Variants in CREB5 observed in about 807,000 individuals in gnomAD.
CREB5 encodes cyclic AMP-responsive element-binding protein 5.
A neutral mutation model predicts 57.1 loss-of-function variants in CREB5; 19 were observed. The ratio of observed to expected loss-of-function variants is 0.33; its 90% CI spans 0.23 to 0.49. The LOEUF is 0.49. CREB5 is among the 20% of genes least tolerant of loss of function. The probability of loss-of-function intolerance (pLI) is 0.99; values close to 1 mark genes in which losing one functional copy is unlikely to be tolerated. For missense variants in CREB5, 579 were observed against 671.6 expected, an observed-to-expected ratio of 0.86 and a Z score of 1.52; for synonymous variants, 238 against 238.3, an observed-to-expected ratio of 1.00 and a Z score of 0.01.
At chr7:28,448,226 ACTC>A (rs1789589030) in intron 1 of CREB5, among the ~76,000 whole-genome samples, 2 of 152,138 alleles carry the variant, frequency 1.3e-5, no homozygotes, top group Non-Finnish European at 2.9e-5. Flanking sequence ...CACTTTTGGG[ACTC>A]AGACTGGCTC....
chr7:28,705,287 C>T (rs1415707261), intron 5 of CREB5, among the ~76,000 whole-genome samples: 1 of 148,792 alleles, frequency 6.7e-6, no homozygotes, highest in Non-Finnish European at 1.5e-5. Context: ...TGCTTGAACC[C>T]GGGAAGCAGA....
At chr7:28,563,297 C>T (rs190231024) in intron 4 of CREB5, among the ~76,000 whole-genome samples, 58 of 152,236 alleles carry the variant, frequency 3.8e-4, no homozygotes, top group Admixed American at 1.4e-3. Context: ...CTGGGACATC[C>T]GTCATCTCAC....
intron 8 of CREB5, among the ~76,000 whole-genome samples, chr7:28,805,626 A>C (rs1362420448): frequency 6.6e-6 from 1 of 152,202 alleles, no homozygotes; most frequent in Non-Finnish European, 1.5e-5. Flanking sequence ...AGGCACAAGC[A>C]ACTCTCGAAG....
intron 5 of CREB5, among the ~76,000 whole-genome samples, chr7:28,625,432 T>C (rs1182948701): frequency 6.6e-6 from 1 of 152,140 alleles, no homozygotes; most frequent in Non-Finnish European, 1.5e-5. Context: ...ACAGGAGACA[T>C]GGAAGGAACT....
chr7:28,376,094 G>GATTAATAA (rs1163541493), intron 1 of CREB5, among the ~76,000 whole-genome samples: 1 of 152,152 alleles, frequency 6.6e-6, no homozygotes, highest in Admixed American at 6.5e-5. Flanking sequence ...TGGCTCATCA[G>GATTAATAA]ACTGATTGTT....
At chr7:28,806,239 A>C (rs1808725843) in intron 8 of CREB5, among the ~76,000 whole-genome samples, 1 of 152,218 alleles carries the variant, frequency 6.6e-6, no homozygotes, top group Non-Finnish European at 1.5e-5. Context: ...GCAATTAGTT[A>C]ATTGCTATTA....
intron 1 of CREB5, among the ~76,000 whole-genome samples, chr7:28,367,752 G>A (rs1284654957): frequency 6.6e-6 from 1 of 152,164 alleles, no homozygotes; most frequent in Non-Finnish European, 1.5e-5. Flanking sequence ...AATTTGCAGT[G>A]AGCTGAGATC....
intron 1 of CREB5, among the ~76,000 whole-genome samples, chr7:28,456,106 TG>T (rs1281261722): frequency 5.3e-5 from 8 of 152,182 alleles, no homozygotes; most frequent in Non-Finnish European, 1.0e-4. Context: ...AAATTATAAA[TG>T]GACTTTAGAT....
chr7:28,549,647 A>G (rs1794547240), intron 4 of CREB5, among the ~76,000 whole-genome samples: 1 of 151,860 alleles, frequency 6.6e-6, no homozygotes, highest in Non-Finnish European at 1.5e-5. Flanking sequence ...GTCAGTAATC[A>G]TGCTGGCCAA....
chr7:28,459,285 C>G (rs576537753), intron 1 of CREB5, among the ~76,000 whole-genome samples: 3 of 152,324 alleles, frequency 2.0e-5, no homozygotes, highest in African/African-American at 7.2e-5. Context: ...TCCAGTTTTT[C>G]TGTTTAATCA....
chr7:28,417,928 A>G (rs1788089548), intron 1 of CREB5, among the ~76,000 whole-genome samples: 1 of 152,238 alleles, frequency 6.6e-6, no homozygotes. Flanking sequence ...GGTGTTTTAA[A>G]TGGTCTGCTT....
chr7:28,474,887 C>T (rs1790993194), intron 1 of CREB5, among the ~76,000 whole-genome samples: 1 of 152,142 alleles, frequency 6.6e-6, no homozygotes, highest in Admixed American at 6.5e-5. Flanking sequence ...GGCTTTCTTT[C>T]AGCCTTGAAG....
At chr7:28,440,687 A>G (rs1309144222) in intron 1 of CREB5, among the ~76,000 whole-genome samples, 1 of 152,238 alleles carries the variant, frequency 6.6e-6, no homozygotes, top group Non-Finnish European at 1.5e-5. Context: ...ACACAGAGCC[A>G]TCTGATCAAG....
intron 7 of CREB5, among the ~76,000 whole-genome samples, chr7:28,735,666 G>A (rs1018397279): frequency 6.6e-6 from 1 of 152,088 alleles, no homozygotes; most frequent in Non-Finnish European, 1.5e-5. Context: ...GCTCCCTGAG[G>A]GGGAGGGATC....
At chr7:28,672,274 C>CAGGT (rs1800091392) in intron 5 of CREB5, among the ~76,000 whole-genome samples, 1 of 151,214 alleles carries the variant, frequency 6.6e-6, no homozygotes, top group South Asian at 2.1e-4. Flanking sequence ...TGTTCTTGAC[C>CAGGT]AAGTCATTAC....
Position 28,746,265 on chromosome 7 carries a change from G to T in CREB5, c.702+21933G>T, listed in dbSNP as rs78626557. Among the ~76,000 whole-genome samples the T allele has an allele frequency of 9.2e-3, 1,406 of 152,276 alleles. 12 individuals carry two copies. The highest frequency in any genetic ancestry group is 0.061 in the Middle Eastern group (18 of 294). On this transcript the variant is annotated intron_variant, in intron 7 of 10. Coordinates refer to ENST00000357727, the MANE Select transcript of CREB5 (RefSeq NM_182898.4). ...GAAATTTTGGTTATAAGGTCAGTCT[G>T]CCTGTAACTTTCTCATTCTCTCACT...
At chr7:28,431,987 T>C (rs1788734086) in intron 1 of CREB5, among the ~76,000 whole-genome samples, 1 of 151,694 alleles carries the variant, frequency 6.6e-6, no homozygotes. Context: ...TATGCCTTTT[T>C]TTTTTTTTTT....
chr7:28,693,590 C>T (rs183612474), intron 5 of CREB5, among the ~76,000 whole-genome samples: 5 of 151,978 alleles, frequency 3.3e-5, no homozygotes, highest in Non-Finnish European at 5.9e-5. Flanking sequence ...CCTAATTACT[C>T]GTAATCAATA....
chr7:28,411,505 C>T (rs1020912525), upstream of CREB5, among the ~76,000 whole-genome samples: 1 of 119,446 alleles, frequency 8.4e-6, no homozygotes, highest in Non-Finnish European at 1.6e-5. Context: ...AAATAAAGAC[C>T]CTGTGTATGA....
Sources: gnomAD v4.1 joint callset for allele counts (sites outside exome capture counted in the v4.1 genomes callset) on GRCh38, gnomAD v4.1.1 for gene constraint, MANE v1.5 for transcripts, NCBI Gene and HGNC (gene_info 2026-07-23, HGNC 2026-07-21) for gene names.